The following MGA variants were observed in gnomAD, a reference collection of about 807,000 sequenced individuals.
MGA encodes MAX gene-associated protein.
MGA carries 40 observed loss-of-function variants against 261.1 expected under a neutral mutation model. The observed-to-expected ratio is 0.15, with a 90% confidence interval of 0.12 to 0.20. The LOEUF (loss-of-function observed/expected upper bound fraction) is 0.20. MGA is among the 10% of genes least tolerant of loss of function. The pLI, the probability that MGA is intolerant of heterozygous loss-of-function variation, is 1.00. For synonymous variants in MGA, 1,302 were observed against 1,290.6 expected (o/e 1.01, Z -0.19); for missense variants, 3,397 against 3,630.5 (o/e 0.94, Z 1.65).
In MGA at chr15:41,768,645, A is replaced by AT. The variant is rs1278621370; in HGVS notation, c.*1367dup. On this transcript the variant is annotated 3_prime_UTR_variant, in exon 24 of 24. Transcript: ENST00000219905. ...GGAATGTAACCCCTGTTCTGTCTTCATTGACAGGATTTGCTTGTGTTGTTA... is the reference window on the plus strand; with the variant it reads ...GGAATGTAACCCCTGTTCTGTCTTCATTTGACAGGATTTGCTTGTGTTGTTA... The AT allele has an allele frequency of 1.3e-5, 2 of 152,570 alleles. No individual in the cohort carries two copies. The highest frequency in any genetic ancestry group is 6.5e-5 in the Admixed American group (1 of 15,282). The allele number at this position is 152,570 out of a possible 1,614,324, so 9.5% of individuals were successfully genotyped here.
chr15:41,664,630 G>T (rs779483156), intron 1 of MGA, among the ~76,000 whole-genome samples: 1 of 152,180 alleles, frequency 6.6e-6, no homozygotes, highest in Non-Finnish European at 1.5e-5. Flanking sequence ...ACACACAAAG[G>T]ATGTTTTGCA....
chr15:41,707,235 G>A (rs1379307068), intron 5 of MGA, among the ~76,000 whole-genome samples: 1 of 152,222 alleles, frequency 6.6e-6, no homozygotes, highest in African/African-American at 2.4e-5. Flanking sequence ...TGTGTCAGCA[G>A]TCTGGGCATA....
At chr15:41,745,803 G>A (rs1302688528) in intron 15 of MGA, among the ~76,000 whole-genome samples, 1 of 152,002 alleles carries the variant, frequency 6.6e-6, no homozygotes, top group Non-Finnish European at 1.5e-5. Flanking sequence ...GCGAGGTCTC[G>A]CTGTGTTGTC....
intron 3 of MGA, 60 bp from the exon 4 acceptor site, chr15:41,698,803 T>C: frequency 7.6e-7 from 1 of 1,309,464 alleles, no homozygotes; most frequent in Non-Finnish European, 1.0e-6. Flanking sequence ...TAATCCTGTT[T>C]TACATTTAAG....
At chr15:41,692,658 A>G (rs183074368) in intron 2 of MGA, among the ~76,000 whole-genome samples, 1 of 152,256 alleles carries the variant, frequency 6.6e-6, no homozygotes, top group African/African-American at 2.4e-5. Context: ...AAAAGTGATG[A>G]TATTTTGTGA....
rs111793456 is a variant in MGA, at chr15:41,742,844, T to C, written c.4884T>C (p.Tyr1628=). 917 of 1,613,990 alleles carry C rather than the reference T, an allele frequency of 5.7e-4. No homozygotes were observed. The highest frequency in any genetic ancestry group is 2.2e-3 in the South Asian group (197 of 91,086). Residue 1628 remains tyrosine (Y), a synonymous_variant, in exon 15 of 24, where the codon TAT becomes TAC. Transcript: ENST00000219905. Reference sequence around the variant, plus strand: ...ACGTGGAAACTAAAGAAACTACTTATTCTTCTGGTGCCACCACTACAGGGG... The same window carrying C: ...ACGTGGAAACTAAAGAAACTACTTACTCTTCTGGTGCCACCACTACAGGGG...
intron 2 of MGA, among the ~76,000 whole-genome samples, chr15:41,686,713 A>G (rs2058989778): frequency 6.6e-6 from 1 of 151,910 alleles, no homozygotes; most frequent in Non-Finnish European, 1.5e-5. Flanking sequence ...TCATCAAATG[A>G]TTTTTCTAAA....
chr15:41,764,022 G>C lies in MGA; in HGVS notation c.7745-864G>C, dbSNP rs546652439. ...AAAAATACCAAAATTAGCCGGATGTGGTGGTGCACACCTGTAGTCCCAGCT... is the reference window on the plus strand; with the variant it reads ...AAAAATACCAAAATTAGCCGGATGTCGTGGTGCACACCTGTAGTCCCAGCT... On this transcript the variant is annotated intron_variant, in intron 22 of 23. Coordinates refer to ENST00000219905, the MANE Select transcript of MGA (RefSeq NM_001164273.2). 4.4e-4 allele frequency among the ~76,000 whole-genome samples: 67 copies of C among 151,888 alleles called. No individual in the cohort carries two copies. In the South Asian group the frequency reaches 0.011, roughly 24 times the overall value.
intron 1 of MGA, among the ~76,000 whole-genome samples, chr15:41,665,250 G>A (rs1041196240): frequency 2.6e-5 from 4 of 152,170 alleles, no homozygotes; most frequent in African/African-American, 9.7e-5. Flanking sequence ...ACTAATAAGT[G>A]GCTGAATTTG....
rs1286742500 is a variant in MGA, at chr15:41,694,994, T to C, written c.1065-1081T>C. Among the ~76,000 whole-genome samples, 3 of 152,274 alleles carry C rather than the reference T, an allele frequency of 2.0e-5. No homozygotes were observed. The East Asian group carries it at 5.8e-4, about 29-fold the overall frequency. On this transcript the variant is annotated intron_variant, in intron 2 of 23. Transcript: ENST00000219905. ...ATTTAAAAAAAAATGCCCACAATCCTTTGTTACATGTTATTTGTTAGTGAA... is the reference window on the plus strand; with the variant it reads ...ATTTAAAAAAAAATGCCCACAATCCCTTGTTACATGTTATTTGTTAGTGAA...
At chr15:41,643,921 AT>A (rs1207151922) in intron 1 of MGA, among the ~76,000 whole-genome samples, 2 of 148,620 alleles carry the variant, frequency 1.3e-5, no homozygotes, top group African/African-American at 5.0e-5. Context: ...ACTCTTTCTC[AT>A]TTTTTTTCCA....
chr15:41,657,820 G>A (rs2057237920), upstream of MGA, among the ~76,000 whole-genome samples: 1 of 152,156 alleles, frequency 6.6e-6, no homozygotes, highest in African/African-American at 2.4e-5. Context: ...CATCTGAAGA[G>A]TGAGGTCTTT....
intron 5 of MGA, among the ~76,000 whole-genome samples, chr15:41,705,547 A>G (rs1000062825): frequency 2.6e-5 from 4 of 151,932 alleles, no homozygotes; most frequent in African/African-American, 9.7e-5. Flanking sequence ...TTTTTTGTAG[A>G]AATGGGGTCT....
At chr15:41,678,341 T>C (rs1013420588) in intron 2 of MGA, among the ~76,000 whole-genome samples, 5 of 151,794 alleles carry the variant, frequency 3.3e-5, no homozygotes, top group Admixed American at 2.6e-4. Context: ...TCTGCCCGCC[T>C]CAGCCTCCCA....
At chr15:41,626,900 G>A (rs2056468841) in intron 1 of MGA, among the ~76,000 whole-genome samples, 1 of 151,822 alleles carries the variant, frequency 6.6e-6, no homozygotes, top group Non-Finnish European at 1.5e-5. Context: ...GTCTCTCTCT[G>A]TCACCCAGGC....
intron 1 of MGA, among the ~76,000 whole-genome samples, chr15:41,652,651 C>T (rs2057090552): frequency 1.3e-5 from 2 of 151,716 alleles, no homozygotes; most frequent in East Asian, 1.9e-4. Flanking sequence ...GGACTTATAC[C>T]CTTTGTAGGT....
intron 13 of MGA, among the ~76,000 whole-genome samples, chr15:41,737,374 C>T (rs1051199894): frequency 2.7e-5 from 4 of 150,882 alleles, no homozygotes; most frequent in African/African-American, 4.9e-5. Context: ...AGGCTGGTCT[C>T]GAACTTCTGA....
At chr15:41,682,054 A>C (rs969784420) in intron 2 of MGA, among the ~76,000 whole-genome samples, 4 of 151,912 alleles carry the variant, frequency 2.6e-5, no homozygotes, top group African/African-American at 7.3e-5. Flanking sequence ...AGTAGCTGGG[A>C]TTACAGGCAT....
intron 14 of MGA, among the ~76,000 whole-genome samples, chr15:41,740,952 G>C (rs2062055746): frequency 6.6e-6 from 1 of 152,068 alleles, no homozygotes; most frequent in Non-Finnish European, 1.5e-5. Flanking sequence ...TCCTCTTTTT[G>C]TTGTTTCAAA....
Sources: gnomAD v4.1 joint callset for allele counts (sites outside exome capture counted in the v4.1 genomes callset) on GRCh38, gnomAD v4.1.1 for gene constraint, MANE v1.5 for transcripts, NCBI Gene and HGNC (gene_info 2026-07-23, HGNC 2026-07-21) for gene names.